Variants in FAM222B observed in about 807,000 individuals in gnomAD.
FAM222B encodes the protein family with sequence similarity 222 member B.
A neutral mutation model predicts 38.0 loss-of-function variants in FAM222B; 12 were observed. The observed-to-expected ratio is 0.32, with a 90% CI of 0.20 to 0.51. The LOEUF (loss-of-function observed/expected upper bound fraction) is 0.51, where lower values mean the gene tolerates loss of function less well. Among genes scored for constraint, FAM222B ranks in the 20% least tolerant of loss-of-function variants. The pLI, the probability that FAM222B is intolerant of heterozygous loss-of-function variation, is 0.97. For synonymous variants in FAM222B, 329 were observed against 317.2 expected (o/e 1.04, Z -0.40); for missense variants, 716 against 754.2 (o/e 0.95, Z 0.59).
At chr17:28,806,016 G>C (rs1011907177) in intron 1 of FAM222B, among the ~76,000 whole-genome samples, 2 of 152,042 alleles carry the variant, frequency 1.3e-5, no homozygotes, top group African/African-American at 4.8e-5. Flanking sequence ...GGTGCATGTG[G>C]TGGCACATTC....
chr17:28,760,320 A>C (rs1351459841), intron 2 of FAM222B, among the ~76,000 whole-genome samples: 7 of 152,090 alleles, frequency 4.6e-5, no homozygotes, highest in Non-Finnish European at 8.8e-5. Flanking sequence ...ACACTTGTAA[A>C]TCCCAGCATT....
intron 1 of FAM222B, among the ~76,000 whole-genome samples, chr17:28,833,009 TAAAA>T (rs779596504): frequency 1.2e-4 from 11 of 90,778 alleles, no homozygotes; most frequent in Admixed American, 2.6e-4. Flanking sequence ...CTGTCTCTAT[TAAAA>T]AAAAAAAAAA....
intron 1 of FAM222B, among the ~76,000 whole-genome samples, chr17:28,817,700 CAA>C (rs2038073952): frequency 6.6e-6 from 1 of 152,000 alleles, no homozygotes; most frequent in African/African-American, 2.4e-5. Context: ...GCTTGGGCAA[CAA>C]GAGTGAAATT....
Position 28,755,996 on chromosome 17 carries a change from T to C in FAM222B, c.*2274A>G, listed in dbSNP as rs1434264119. Reference sequence around the variant, plus strand: ...TCAGAAAGCGAGGTTTTCTTATTTTTACTGGTTTATAATAATCTTAAAAAC... The same window carrying C: ...TCAGAAAGCGAGGTTTTCTTATTTTCACTGGTTTATAATAATCTTAAAAAC... On this transcript the variant is annotated 3_prime_UTR_variant, in exon 3 of 3. Coordinates refer to ENST00000581407, the MANE Select transcript of FAM222B (RefSeq NM_001077498.3). 1 of 152,612 alleles carries C rather than the reference T, an allele frequency of 6.6e-6. No homozygotes were observed. The highest frequency in any genetic ancestry group is 1.5e-5 in the Non-Finnish European group (1 of 68,034). The allele number at this position is 152,612 out of a possible 1,614,324, so 9.5% of individuals were successfully genotyped here.
At chr17:28,779,751 AAAATAAATAAAT>A (rs57583458) in intron 1 of FAM222B, among the ~76,000 whole-genome samples, 4,612 of 144,668 alleles carry the variant, frequency 0.032, 137 homozygotes, top group African/African-American at 0.075. Context: ...ACTCCGTCTC[AAAATAAATAAAT>A]AAATAAATAA....
chr17:28,795,858 G>A (rs2036916725), intron 1 of FAM222B, among the ~76,000 whole-genome samples: 1 of 152,146 alleles, frequency 6.6e-6, no homozygotes, highest in South Asian at 2.1e-4. Context: ...TGCTATGAAT[G>A]ACATTTAGTT....
At chr17:28,763,039 AAC>A (rs2151769739) in intron 2 of FAM222B, among the ~76,000 whole-genome samples, 3 of 152,294 alleles carry the variant, frequency 2.0e-5, no homozygotes, top group African/African-American at 7.2e-5. Context: ...CTACACAGCC[AAC>A]ACAGATACCA....
chr17:28,768,859 A>AAG (rs1323148938), intron 1 of FAM222B, among the ~76,000 whole-genome samples: 1 of 150,432 alleles, frequency 6.6e-6, no homozygotes, highest in African/African-American at 2.4e-5. Flanking sequence ...AAAAAAAAAA[A>AAG]AGAGAGACTT....
intron 1 of FAM222B, among the ~76,000 whole-genome samples, chr17:28,804,939 G>A (rs977735840): frequency 5.9e-5 from 9 of 151,872 alleles, no homozygotes; most frequent in Non-Finnish European, 8.8e-5. Flanking sequence ...CCAGCTACTC[G>A]GGAGGCTGAG....
At chr17:28,841,560 G>T (rs766131457) in intron 1 of FAM222B, among the ~76,000 whole-genome samples, 2 of 152,042 alleles carry the variant, frequency 1.3e-5, no homozygotes, top group Non-Finnish European at 2.9e-5. Context: ...ATTTTTAGTA[G>T]AGACGGGATT....
chr17:28,817,437 A>G (rs537443835), intron 1 of FAM222B, among the ~76,000 whole-genome samples: 1 of 150,878 alleles, frequency 6.6e-6, no homozygotes, highest in South Asian at 2.1e-4. Flanking sequence ...TAATAATCAT[A>G]ATAAGGCCAG....
Position 28,766,663 on chromosome 17 carries a change from A to G in FAM222B, c.5T>C (p.Leu2Pro). 2.5e-6 allele frequency: 4 copies of G among 1,602,068 alleles called. No individual in the cohort carries two copies. The highest frequency in any genetic ancestry group is 3.4e-6 in the Non-Finnish European group (4 of 1,174,074). Reference sequence around the variant, plus strand: ...GTCACCTGGCCCTGGTAGACAGGCTAGCATGGCAGATTGGCATCAACACAA... The same window carrying G: ...GTCACCTGGCCCTGGTAGACAGGCTGGCATGGCAGATTGGCATCAACACAA... M[L>P]ACLPGPGDLS... The change falls in exon 2 of 3, where the codon CTA becomes CCA. Residue 2 changes from leucine (L) to proline (P), a missense_variant. By Grantham distance (98) the Leu-to-Pro change is moderately conservative. Transcript: ENST00000581407.
chr17:28,767,377 C>T (rs1244840101), intron 1 of FAM222B, among the ~76,000 whole-genome samples: 21 of 152,106 alleles, frequency 1.4e-4, no homozygotes, highest in Middle Eastern at 3.2e-3. Context: ...AGGCTGGTCT[C>T]GAACTCCTGA....
At chr17:28,799,516 C>T (rs1044505926) in intron 1 of FAM222B, among the ~76,000 whole-genome samples, 1 of 146,388 alleles carries the variant, frequency 6.8e-6, no homozygotes, top group South Asian at 2.2e-4. Flanking sequence ...TCACAGTGTT[C>T]GCCAGGATGG....
intron 1 of FAM222B, 146 bp from the exon 2 acceptor site, chr17:28,766,853 C>G: frequency 1.8e-6 from 1 of 557,864 alleles, no homozygotes; most frequent in South Asian, 2.4e-5. Flanking sequence ...AGTATACTTA[C>G]ATCTTTATCT....
rs1399449868 is a variant in FAM222B at position 28,835,068 on chromosome 17, T to C, written c.-41+7614A>G. Among the ~76,000 whole-genome samples the C allele has an allele frequency of 1.9e-5, 2 of 105,670 alleles. 1 individual carries two copies. The highest frequency in any genetic ancestry group is 5.2e-4 in the East Asian group (2 of 3,818). 69.3% of individuals were successfully genotyped at this position (105,670 alleles called of 152,430 possible). A position where few individuals can be genotyped will look rare whatever the true frequency, so the allele number is the denominator to read the frequency against. On this transcript the variant is annotated intron_variant, in intron 1 of 2. Coordinates refer to ENST00000581407, the MANE Select transcript of FAM222B (RefSeq NM_001077498.3). ...TGTGTGTGTGTGTGTGTGTGTGTGA[T>C]GGAGTCACGCTCTATCGCCCAGGCT...
intron 1 of FAM222B, among the ~76,000 whole-genome samples, chr17:28,775,839 C>A (rs576384814): frequency 6.6e-6 from 1 of 151,068 alleles, no homozygotes; most frequent in East Asian, 1.9e-4. Context: ...CGAGATGGCG[C>A]CACTACACTC....
Position 28,805,221 on chromosome 17 carries a change from G to A in FAM222B, c.-41+37461C>T, listed in dbSNP as rs533999161. On this transcript the variant is annotated intron_variant, in intron 1 of 2. Coordinates refer to ENST00000581407, the MANE Select transcript of FAM222B (RefSeq NM_001077498.3). ...AAAAATGAAAAAAGTAGCCAGGCAT[G>A]ATGATGCGAACCTGTGGTCCTACCT... 5.3e-5 allele frequency among the ~76,000 whole-genome samples: 8 copies of A among 152,254 alleles called. No individual in the cohort carries two copies. The South Asian group carries it at 1.7e-3, about 32-fold the overall frequency.
rs528259411 is a variant in FAM222B at position 28,788,491 on chromosome 17, G to A, written c.-40-21784C>T. On this transcript the variant is annotated intron_variant, in intron 1 of 2. Transcript: ENST00000581407. ...TGAGCTCAGGCAATCTGCCTGCCTCGGCCTCCCAAAGTGCTGGGATTACAG... is the reference window on the plus strand; with the variant it reads ...TGAGCTCAGGCAATCTGCCTGCCTCAGCCTCCCAAAGTGCTGGGATTACAG... 6.6e-5 allele frequency among the ~76,000 whole-genome samples: 10 copies of A among 151,934 alleles called. No individual in the cohort carries two copies. The East Asian group carries it at 1.4e-3, about 21-fold the overall frequency.
Sources: gnomAD v4.1 joint callset for allele counts (sites outside exome capture counted in the v4.1 genomes callset) on GRCh38, gnomAD v4.1.1 for gene constraint, MANE v1.5 for transcripts, NCBI Gene and HGNC (gene_info 2026-07-23, HGNC 2026-07-21) for gene names.